Variants in ANKRD44 observed in about 807,000 individuals in gnomAD.
ANKRD44 encodes the protein ankyrin repeat domain 44, also known as serine/threonine-protein phosphatase 6 regulatory ankyrin repeat subunit B.
ANKRD44 carries 35 observed loss-of-function variants against 116.0 expected under a neutral mutation model. The ratio of observed to expected loss-of-function variants is 0.30; its 90% CI spans 0.23 to 0.40. The LOEUF (loss-of-function observed/expected upper bound fraction) is 0.40, where lower values mean the gene tolerates loss of function less well. Among genes scored for constraint, ANKRD44 ranks in the 10% least tolerant of loss-of-function variants. ANKRD44 has a pLI of 1.00. For missense variants in ANKRD44, 1,014 were observed against 1,242.6 expected, an observed-to-expected ratio of 0.82 and a Z score of 2.77; for synonymous variants, 435 against 461.8, an observed-to-expected ratio of 0.94 and a Z score of 0.74.
intron 1 of ANKRD44, among the ~76,000 whole-genome samples, chr2:197,250,359 G>T (rs2082288343): frequency 6.6e-6 from 1 of 152,194 alleles, no homozygotes; most frequent in Non-Finnish European, 1.5e-5. Flanking sequence ...TTTCCCAGAA[G>T]ACCCCAGTTG....
intron 16 of ANKRD44, chr2:197,078,281 A>G (rs1007139840): frequency 1.3e-5 from 2 of 156,492 alleles, no homozygotes; most frequent in Admixed American, 1.3e-4. Flanking sequence ...TCACTCTGCC[A>G]CTGATTACCA....
chr2:197,265,387 T>C (rs993507688), intron 1 of ANKRD44, among the ~76,000 whole-genome samples: 19 of 151,898 alleles, frequency 1.3e-4, no homozygotes, highest in Admixed American at 1.2e-3. Flanking sequence ...GCTGGGACTA[T>C]AGGGGTGCGT....
At chr2:197,250,306 G>A (rs1221781272) in intron 1 of ANKRD44, among the ~76,000 whole-genome samples, 1 of 152,176 alleles carries the variant, frequency 6.6e-6, no homozygotes, top group African/African-American at 2.4e-5. Context: ...GAGGTAATGG[G>A]TACATATCTC....
chr2:197,254,131 G>A (rs895700186), intron 1 of ANKRD44, among the ~76,000 whole-genome samples: 2 of 152,144 alleles, frequency 1.3e-5, no homozygotes, highest in South Asian at 2.1e-4. Context: ...GGTGGCTCAC[G>A]CCTATAATCC....
chr2:197,110,399 C>T (rs897519048), intron 9 of ANKRD44, among the ~76,000 whole-genome samples: 4 of 152,146 alleles, frequency 2.6e-5, no homozygotes, highest in African/African-American at 9.7e-5. Flanking sequence ...TTATAGTGAA[C>T]TCTAAAATTT....
At chr2:197,038,535 C>T (rs2076849392) in intron 16 of ANKRD44, among the ~76,000 whole-genome samples, 1 of 152,080 alleles carries the variant, frequency 6.6e-6, no homozygotes, top group Non-Finnish European at 1.5e-5. Context: ...CTTGGGTTGT[C>T]TACATTTCAG....
chr2:197,175,427 T>C (rs1185571456), intron 2 of ANKRD44, among the ~76,000 whole-genome samples: 1 of 152,144 alleles, frequency 6.6e-6, no homozygotes, highest in African/African-American at 2.4e-5. Flanking sequence ...AAGGCATATA[T>C]GAAAAGCAAG....
chr2:197,102,323 T>C (rs1042188401), intron 9 of ANKRD44, among the ~76,000 whole-genome samples: 3 of 152,226 alleles, frequency 2.0e-5, no homozygotes, highest in Non-Finnish European at 4.4e-5. Flanking sequence ...ATCTTCAAGG[T>C]AAATTTTCAG....
At chr2:197,079,982 T>G (rs2077757429) in intron 15 of ANKRD44, among the ~76,000 whole-genome samples, 1 of 152,198 alleles carries the variant, frequency 6.6e-6, no homozygotes, top group South Asian at 2.1e-4. Context: ...AGTCTTGCTA[T>G]TATTCTCTCT....
At chr2:197,297,564 C>T (rs1422951304) in intron 1 of ANKRD44, among the ~76,000 whole-genome samples, 1 of 152,128 alleles carries the variant, frequency 6.6e-6, no homozygotes, top group East Asian at 1.9e-4. Context: ...TATTATTTTA[C>T]CCATCTTACA....
intron 1 of ANKRD44, among the ~76,000 whole-genome samples, chr2:197,194,527 C>G (rs148730795): frequency 1.4e-3 from 219 of 152,274 alleles, no homozygotes; most frequent in African/African-American, 5.1e-3. Context: ...GAGACTAGAA[C>G]TTAGTTTTCC....
At chr2:196,993,496 T>C in intron 27 of ANKRD44, 87 bp downstream of exon 27, 1 of 1,101,862 alleles carries the variant, frequency 9.1e-7, no homozygotes, top group East Asian at 2.6e-5. Flanking sequence ...AAGTGCCTTT[T>C]ATACTAGCTC....
At chr2:197,222,427 C>A (rs1182369501) in intron 1 of ANKRD44, among the ~76,000 whole-genome samples, 1 of 152,162 alleles carries the variant, frequency 6.6e-6, no homozygotes, top group East Asian at 1.9e-4. Context: ...TTTATTTAAG[C>A]CTTCAGATCC....
intron 21 of ANKRD44, among the ~76,000 whole-genome samples, chr2:196,973,319 C>A (rs1205793218): frequency 6.6e-6 from 1 of 152,050 alleles, no homozygotes; most frequent in East Asian, 1.9e-4. Context: ...TATACAATCT[C>A]TTAATATATT....
chr2:197,199,099 T>G (rs955603881), intron 1 of ANKRD44: 4 of 152,246 alleles, frequency 2.6e-5, no homozygotes, highest in African/African-American at 2.4e-5. Context: ...CTGTGCAACC[T>G]ACTTCTCTCC....
At chr2:196,989,717 T>A in intron 27 of ANKRD44, 68 bp from the exon 28 acceptor site, 1 of 1,541,814 alleles carries the variant, frequency 6.5e-7, no homozygotes, top group Non-Finnish European at 8.8e-7. Context: ...GGCAATCGGT[T>A]TTACATGCTA....
At chr2:197,247,209 A>AT (rs1340491370) in intron 1 of ANKRD44, among the ~76,000 whole-genome samples, 2 of 152,206 alleles carry the variant, frequency 1.3e-5, no homozygotes, top group Admixed American at 1.3e-4. Context: ...ATCTCTGAAC[A>AT]TGACGCCAGG....
At chr2:197,133,947 C>CTTTCTTTTTTTTTTTTTTTTTTTTTTT (rs1574519359) in intron 4 of ANKRD44, 7 of 56,458 alleles carry the variant, frequency 1.2e-4, no homozygotes, top group Non-Finnish European at 1.8e-4. Flanking sequence ...CTTTTTCTTT[C>CTTTCTTTTTTTTTTTTTTTTTTTTTTT]TTTTTTTTTT....
At chr2:197,217,270 T>C (rs1441183703) in intron 1 of ANKRD44, among the ~76,000 whole-genome samples, 1 of 152,148 alleles carries the variant, frequency 6.6e-6, no homozygotes, top group Non-Finnish European at 1.5e-5. Context: ...ATCCAGGGTG[T>C]CAAATATAAC....
Sources: allele counts gnomAD v4.1 joint callset (sites outside exome capture counted in the v4.1 genomes callset), GRCh38; gene constraint gnomAD v4.1.1; transcripts MANE v1.5; gene names NCBI Gene and HGNC (gene_info 2026-07-23, HGNC 2026-07-21).